GRIK1: variants seen among roughly 807,000 people sequenced by gnomAD.
GRIK1 encodes glutamate receptor ionotropic, kainate 1.
Under a neutral mutation model 105.7 loss-of-function variants are expected in GRIK1, and 69 were observed. The ratio of observed to expected loss-of-function variants is 0.65; its 90% CI spans 0.54 to 0.80. The LOEUF is 0.80. Ranked by LOEUF, GRIK1 falls within the 30% of genes least tolerant of loss-of-function variation. The pLI is 0.00. For synonymous variants in GRIK1, 438 were observed against 431.3 expected (o/e 1.02, Z -0.19); for missense variants, 1,109 against 1,167.3 (o/e 0.95, Z 0.73).
intron 1 of GRIK1, among the ~76,000 whole-genome samples, chr21:29,695,810 A>C (rs768483277): frequency 4.6e-5 from 7 of 152,154 alleles, no homozygotes; most frequent in Non-Finnish European, 1.0e-4. Context: ...GGATTGAGTG[A>C]TCCCTTACCA....
intron 1 of GRIK1, among the ~76,000 whole-genome samples, chr21:29,756,360 A>G (rs181412608): frequency 2.0e-5 from 3 of 152,270 alleles, no homozygotes; most frequent in East Asian, 1.9e-4. Flanking sequence ...CAGCCTGGGC[A>G]ACAGAGCGAG....
intron 1 of GRIK1, among the ~76,000 whole-genome samples, chr21:29,842,422 T>C (rs2068007207): frequency 6.6e-6 from 1 of 152,158 alleles, no homozygotes; most frequent in South Asian, 2.1e-4. Context: ...AAGATCTCTG[T>C]ACTAGATGTG....
chr21:29,708,346 T>C (rs2063965963), intron 1 of GRIK1, among the ~76,000 whole-genome samples: 1 of 152,256 alleles, frequency 6.6e-6, no homozygotes, highest in Non-Finnish European at 1.5e-5. Context: ...TTACTCATAA[T>C]GATATAAAAT....
chr21:29,850,357 C>G (rs1263668888), intron 1 of GRIK1, among the ~76,000 whole-genome samples: 1 of 152,070 alleles, frequency 6.6e-6, no homozygotes, highest in Admixed American at 6.6e-5. Flanking sequence ...TTTAAAAAAT[C>G]TCTATCTTTT....
At chr21:29,689,217 A>C (rs1422113783) in intron 3 of GRIK1, among the ~76,000 whole-genome samples, 1 of 152,162 alleles carries the variant, frequency 6.6e-6, no homozygotes, top group Admixed American at 6.5e-5. Context: ...GAACAAGCAC[A>C]TGGAGCAAGC....
At chr21:29,793,883 C>T (rs183904522) in intron 1 of GRIK1, among the ~76,000 whole-genome samples, 4 of 152,328 alleles carry the variant, frequency 2.6e-5, no homozygotes, top group East Asian at 3.9e-4. Flanking sequence ...AAGCATTCCA[C>T]GCACTTTGTT....
intron 1 of GRIK1, among the ~76,000 whole-genome samples, chr21:29,888,043 C>A (rs1003334583): frequency 1.3e-5 from 2 of 151,482 alleles, no homozygotes; most frequent in Admixed American, 6.6e-5. Flanking sequence ...AAATGAGGGG[C>A]CTGCTTCCCC....
intron 14 of GRIK1, among the ~76,000 whole-genome samples, chr21:29,569,162 A>T (rs2090680606): frequency 1.3e-5 from 2 of 152,230 alleles, no homozygotes; most frequent in Admixed American, 1.3e-4. Context: ...GACAGTAAGG[A>T]AGCTGAACAG....
chr21:29,677,553 C>A (rs545814236), intron 3 of GRIK1, among the ~76,000 whole-genome samples: 1 of 151,814 alleles, frequency 6.6e-6, no homozygotes, highest in African/African-American at 2.4e-5. Context: ...CATTGGGTAA[C>A]TCAGGCAACA....
chr21:29,607,304 C>T (rs1233765241), intron 7 of GRIK1, among the ~76,000 whole-genome samples: 4 of 151,820 alleles, frequency 2.6e-5, no homozygotes, highest in Non-Finnish European at 4.4e-5. Context: ...CCTTTCTGTC[C>T]TCCTGAGTTA....
At chr21:29,635,699 A>T (rs781681312) in intron 7 of GRIK1, among the ~76,000 whole-genome samples, 10 of 152,176 alleles carry the variant, frequency 6.6e-5, no homozygotes, top group Non-Finnish European at 1.3e-4. Context: ...ATTTCCAGGA[A>T]AGGAATAAGT....
intron 4 of GRIK1, among the ~76,000 whole-genome samples, chr21:29,660,489 A>G (rs541347143): frequency 6.6e-6 from 1 of 152,312 alleles, no homozygotes; most frequent in East Asian, 1.9e-4. Flanking sequence ...AAGGCAATGC[A>G]GAGCTATGGA....
At chr21:29,780,340 T>C (rs999594954) in intron 1 of GRIK1, among the ~76,000 whole-genome samples, 13 of 152,230 alleles carry the variant, frequency 8.5e-5, no homozygotes, top group Non-Finnish European at 4.4e-5. Flanking sequence ...ATCTTGGACA[T>C]AGTTATCCAT....
intron 3 of GRIK1, 90 bp downstream of exon 3, chr21:29,689,638 C>G: frequency 1.8e-6 from 2 of 1,109,144 alleles, no homozygotes; most frequent in Non-Finnish European, 2.7e-6. Flanking sequence ...TTTTTATGCT[C>G]CATCTGATGA....
chr21:29,814,121 T>TTA (rs1426871780), intron 1 of GRIK1, among the ~76,000 whole-genome samples: 2 of 129,922 alleles, frequency 1.5e-5, no homozygotes, highest in African/African-American at 3.2e-5. Context: ...ATAATTATTA[T>TTA]TTTTTTTTTT....
intron 15 of GRIK1, among the ~76,000 whole-genome samples, chr21:29,560,480 TCC>T (rs1568814891): frequency 2.0e-4 from 28 of 137,598 alleles, no homozygotes; most frequent in African/African-American, 4.4e-4. Flanking sequence ...TTTCTCTCTC[TCC>T]CTTTCTTTCT....
At chr21:29,696,554 A>G (rs533533526) in intron 1 of GRIK1, among the ~76,000 whole-genome samples, 1 of 152,248 alleles carries the variant, frequency 6.6e-6, no homozygotes, top group African/African-American at 2.4e-5. Context: ...GAAGGTGGAC[A>G]TAAGTCCGTC....
intron 1 of GRIK1, among the ~76,000 whole-genome samples, chr21:29,779,103 G>A (rs2066020656): frequency 6.6e-6 from 1 of 152,156 alleles, no homozygotes. Flanking sequence ...TCAGCTTAAG[G>A]ATGAGTATCT....
chr21:29,864,993 A>G (rs188421839), intron 1 of GRIK1, among the ~76,000 whole-genome samples: 1 of 152,324 alleles, frequency 6.6e-6, no homozygotes, highest in Non-Finnish European at 1.5e-5. Context: ...CAGTCCCACA[A>G]TGAAGCATTA....
Sources: allele counts gnomAD v4.1 joint callset (sites outside exome capture counted in the v4.1 genomes callset), GRCh38; gene constraint gnomAD v4.1.1; transcripts MANE v1.5; gene names NCBI Gene and HGNC (gene_info 2026-07-23, HGNC 2026-07-21).